Variants in ZHX2 observed in about 807,000 individuals in gnomAD.
ZHX2 encodes zinc fingers and homeoboxes 2.
Under a neutral mutation model 21.9 loss-of-function variants are expected in ZHX2, and 6 were observed. That is an observed-to-expected ratio of 0.27 (90% CI 0.15 to 0.54). The LOEUF (loss-of-function observed/expected upper bound fraction) is 0.54. ZHX2 is among the 20% of genes least tolerant of loss of function. ZHX2 has a pLI of 0.95. For synonymous variants in ZHX2, 434 were observed against 437.1 expected (o/e 0.99, Z 0.09); for missense variants, 908 against 1,090.7 (o/e 0.83, Z 2.36).
At chr8:122,826,673 C>G (rs899534423) in intron 1 of ZHX2, among the ~76,000 whole-genome samples, 10 of 152,084 alleles carry the variant, frequency 6.6e-5, no homozygotes, top group African/African-American at 2.2e-4. Flanking sequence ...CGGCACTGCT[C>G]TAGCCAAAAG....
At chr8:122,826,473 C>A (rs547083321) in intron 1 of ZHX2, among the ~76,000 whole-genome samples, 1 of 152,314 alleles carries the variant, frequency 6.6e-6, no homozygotes, top group African/African-American at 2.4e-5. Context: ...GCAGAGCTTG[C>A]AGTTCATTTT....
At chr8:122,796,045 C>T (rs1276841686) in intron 1 of ZHX2, among the ~76,000 whole-genome samples, 1 of 152,016 alleles carries the variant, frequency 6.6e-6, no homozygotes, top group East Asian at 1.9e-4. Context: ...GTGGCAGGCG[C>T]CTGTAATGCC....
intron 2 of ZHX2, among the ~76,000 whole-genome samples, chr8:122,940,037 TG>T (rs1812802923): frequency 6.6e-6 from 1 of 152,240 alleles, no homozygotes; most frequent in African/African-American, 2.4e-5. Context: ...ATTTTACAGC[TG>T]CAGGAACTGA....
rs1813121373 is a variant in ZHX2 at position 122,951,815 on chromosome 8, C to A, written c.305C>A (p.Pro102His). Residue 102 changes from proline (P) to histidine (H), a missense_variant, in exon 3 of 4, where the codon CCC (proline) becomes CAC (histidine). This residue lies in a region of ZHX2 where 220 missense variants were observed against 251.4 expected (regional missense o/e 0.88). Transcript: ENST00000314393. ...EFTEHVDMQH[P>H]NVILNPLYVC... ...ACGGAGCATGTCGACATGCAGCATC[C>A]CAACGTGATTCTCAACCCCCTCTAC... is the stretch of plus-strand genomic sequence containing the variant. The A allele has an allele frequency of 6.2e-7, 1 of 1,613,960 alleles. No homozygotes were observed. The highest frequency in any genetic ancestry group is 1.7e-5 in the Admixed American group (1 of 59,992).
intron 2 of ZHX2, among the ~76,000 whole-genome samples, chr8:122,908,293 G>T (rs879904335): frequency 6.6e-6 from 1 of 152,150 alleles, no homozygotes; most frequent in Non-Finnish European, 1.5e-5. Flanking sequence ...TCCGCCTCCC[G>T]AGTTCAAGAG....
At position 122,970,351 on chromosome 8, in the gene ZHX2, C is replaced by T. The variant is rs1362370599; in HGVS notation, c.*5-2891C>T. Among the ~76,000 whole-genome samples the T allele has an allele frequency of 2.0e-5, 3 of 152,206 alleles. No homozygotes were observed. In the East Asian group the frequency reaches 5.8e-4, roughly 29 times the overall value. On this transcript the variant is annotated intron_variant, in intron 3 of 3. Coordinates refer to ENST00000314393, the MANE Select transcript of ZHX2 (RefSeq NM_014943.5). ...TCACTTTCCATTTTCCATTCATTGACAAATGCCTGTTGAGTATGCTGCATG... is the reference window on the plus strand; with the variant it reads ...TCACTTTCCATTTTCCATTCATTGATAAATGCCTGTTGAGTATGCTGCATG...
chr8:122,888,865 T>C (rs1819908529), intron 2 of ZHX2, among the ~76,000 whole-genome samples: 1 of 152,184 alleles, frequency 6.6e-6, no homozygotes, highest in Non-Finnish European at 1.5e-5. Context: ...TATGATTTTG[T>C]CTCCATTTAC....
chr8:122,945,720 C>T (rs967256876), intron 2 of ZHX2, among the ~76,000 whole-genome samples: 1 of 152,190 alleles, frequency 6.6e-6, no homozygotes, highest in Non-Finnish European at 1.5e-5. Context: ...AGCTGTCTTA[C>T]CTCCCCTCCC....
At chr8:122,886,064 A>G (rs1462665047) in intron 2 of ZHX2, among the ~76,000 whole-genome samples, 3 of 152,258 alleles carry the variant, frequency 2.0e-5, no homozygotes, top group Admixed American at 1.3e-4. Context: ...TGTGCTAAAA[A>G]TTAGAAACAA....
At chr8:122,933,215 T>C (rs1215499083) in intron 2 of ZHX2, among the ~76,000 whole-genome samples, 2 of 151,856 alleles carry the variant, frequency 1.3e-5, no homozygotes, top group Non-Finnish European at 2.9e-5. Context: ...GAAGATGGAG[T>C]GTGCACGAAT....
intron 2 of ZHX2, among the ~76,000 whole-genome samples, chr8:122,873,858 C>T (rs1819504590): frequency 6.6e-6 from 1 of 152,176 alleles, no homozygotes; most frequent in African/African-American, 2.4e-5. Context: ...GGCCCCCTTC[C>T]ATCTTCAAAG....
At chr8:122,793,117 G>A (rs1817551620) in intron 1 of ZHX2, among the ~76,000 whole-genome samples, 1 of 152,174 alleles carries the variant, frequency 6.6e-6, no homozygotes, top group African/African-American at 2.4e-5. Flanking sequence ...GAATTACAGG[G>A]GATCATACCT....
intron 2 of ZHX2, among the ~76,000 whole-genome samples, chr8:122,951,011 A>G (rs1813096156): frequency 6.6e-6 from 1 of 152,132 alleles, no homozygotes; most frequent in African/African-American, 2.4e-5. Flanking sequence ...AGAGGATTTT[A>G]GGACCTGTCT....
At chr8:122,881,079 G>A (rs187808831) in intron 2 of ZHX2, among the ~76,000 whole-genome samples, 242 of 152,324 alleles carry the variant, frequency 1.6e-3, no homozygotes, top group African/African-American at 5.4e-3. Context: ...ACGTGACTGA[G>A]TGCCTGATGC....
chr8:122,943,130 C>T (rs1326853838), intron 2 of ZHX2, among the ~76,000 whole-genome samples: 1 of 152,066 alleles, frequency 6.6e-6, no homozygotes, highest in Non-Finnish European at 1.5e-5. Context: ...GGCGTGGTGG[C>T]ACATGCTTAT....
chr8:122,892,305 A>T (rs1222018378), intron 2 of ZHX2, among the ~76,000 whole-genome samples: 1 of 152,122 alleles, frequency 6.6e-6, no homozygotes, highest in South Asian at 2.1e-4. Context: ...TTTTCTGTCT[A>T]TGTGCGTCTT....
At chr8:122,838,755 T>G (rs1818560627) in intron 1 of ZHX2, among the ~76,000 whole-genome samples, 1 of 151,978 alleles carries the variant, frequency 6.6e-6, no homozygotes, top group Admixed American at 6.6e-5. Context: ...TTTTTGTATT[T>G]TTAGTAGAGA....
intron 2 of ZHX2, among the ~76,000 whole-genome samples, chr8:122,895,265 G>C (rs1045853627): frequency 1.6e-4 from 25 of 152,236 alleles, no homozygotes; most frequent in African/African-American, 6.0e-4. Context: ...ATTGGCAAGG[G>C]CATTTGCAAT....
Position 122,951,632 on chromosome 8 carries a change from A to C in ZHX2, c.122A>C (p.Asp41Ala), listed in dbSNP as rs1813113950. ...AAAGGAATCGGCACACCACAGCCTG[A>C]CGTGGCCAAGGACAGTTGGGCAGCA... Reference protein sequence around the residue: ...KEKGIGTPQPDVAKDSWAAEL... With the variant: ...KEKGIGTPQPAVAKDSWAAEL... Residue 41 changes from aspartate (D) to alanine (A), a missense_variant, in exon 3 of 4, where the codon GAC becomes GCC. Transcript: ENST00000314393. The C allele has an allele frequency of 1.2e-6, 2 of 1,613,944 alleles. No individual in the cohort carries two copies. The highest frequency in any genetic ancestry group is 1.1e-5 in the South Asian group (1 of 91,044).
Sources: allele counts gnomAD v4.1 joint callset (sites outside exome capture counted in the v4.1 genomes callset), GRCh38; gene constraint gnomAD v4.1.1; regional missense constraint gnomAD v4.1.1; transcripts MANE v1.5; gene names NCBI Gene and HGNC (gene_info 2026-07-23, HGNC 2026-07-21).